NR6A1: variants seen among roughly 807,000 people sequenced by gnomAD.
NR6A1 encodes nuclear receptor subfamily 6 group A member 1, also known as retinoic acid receptor-related testis-associated receptor.
In NR6A1, 7 loss-of-function variants were observed where a neutral mutation model predicts 59.1. The ratio of observed to expected loss-of-function variants is 0.12; its 90% CI spans 0.07 to 0.22. The LOEUF is 0.22. Ranked by LOEUF, NR6A1 falls within the 10% of genes least tolerant of loss-of-function variation. The pLI is 1.00. For synonymous variants in NR6A1, 243 were observed against 236.1 expected (o/e 1.03, Z -0.27); for missense variants, 468 against 611.6 (o/e 0.77, Z 2.48).
chr9:124,712,565 G>A (rs758038113), intron 2 of NR6A1, among the ~76,000 whole-genome samples: 33 of 151,236 alleles, frequency 2.2e-4, no homozygotes, highest in Non-Finnish European at 4.0e-4. Flanking sequence ...CCAAGATCAC[G>A]CCACTGCACT....
intron 2 of NR6A1, among the ~76,000 whole-genome samples, chr9:124,726,774 G>C (rs950751527): frequency 6.6e-6 from 1 of 152,198 alleles, no homozygotes; most frequent in Non-Finnish European, 1.5e-5. Flanking sequence ...AAAAACCTTT[G>C]ATTCAGGATG....
intron 2 of NR6A1, among the ~76,000 whole-genome samples, chr9:124,701,167 G>C (rs1231861120): frequency 6.6e-6 from 1 of 152,168 alleles, no homozygotes; most frequent in African/African-American, 2.4e-5. Context: ...CTGCCAAACT[G>C]ATTTCCAACT....
chr9:124,614,156 T>G (rs550314240), intron 2 of NR6A1, among the ~76,000 whole-genome samples: 1 of 152,184 alleles, frequency 6.6e-6, no homozygotes, highest in South Asian at 2.1e-4. Flanking sequence ...GCAGGGCAGC[T>G]GGAGTTCACA....
chr9:124,743,937 A>C (rs1179167720), intron 1 of NR6A1, among the ~76,000 whole-genome samples: 1 of 152,210 alleles, frequency 6.6e-6, no homozygotes, highest in Non-Finnish European at 1.5e-5. Context: ...GAGGTTAAGA[A>C]ATTTCAAGGC....
chr9:124,538,372 T>G, intron 5 of NR6A1, 53 bp from the exon 6 acceptor site: 1 of 1,403,728 alleles, frequency 7.1e-7, no homozygotes, highest in Non-Finnish European at 1.0e-6. Flanking sequence ...TAGTAATTAC[T>G]CAAAGGAAGT....
chr9:124,616,311 G>A (rs1480290405), intron 2 of NR6A1, among the ~76,000 whole-genome samples: 1 of 150,468 alleles, frequency 6.6e-6, no homozygotes, highest in African/African-American at 2.4e-5. Flanking sequence ...GCTGAAGCAG[G>A]AGAATCGCTT....
chr9:124,691,407 C>T (rs913098594), intron 2 of NR6A1, among the ~76,000 whole-genome samples: 1 of 152,188 alleles, frequency 6.6e-6, no homozygotes, highest in Non-Finnish European at 1.5e-5. Context: ...ATAGTAATAA[C>T]TATCCCCATT....
At position 124,752,603 on chromosome 9, in the gene NR6A1, C is replaced by T. The variant is rs570093809; in HGVS notation, c.100+18417G>A. ...CTGGCAATATCTTTTCTCAAGCTCA[C>T]TTTTCCAACATTATCTAATGAGGAG... On this transcript the variant is annotated intron_variant, in intron 1 of 9. Transcript: ENST00000487099. 3.9e-4 allele frequency among the ~76,000 whole-genome samples: 60 copies of T among 152,226 alleles called. 1 individual carries two copies. The highest frequency in any genetic ancestry group is 1.4e-3 in the African/African-American group (59 of 41,530).
At chr9:124,603,141 A>G (rs1312788041) in intron 2 of NR6A1, among the ~76,000 whole-genome samples, 1 of 152,134 alleles carries the variant, frequency 6.6e-6, no homozygotes, top group African/African-American at 2.4e-5. Context: ...ATACTACGAC[A>G]TTACTCATCA....
At chr9:124,658,662 A>G (rs1475939690) in intron 2 of NR6A1, 1 of 151,148 alleles carries the variant, frequency 6.6e-6, no homozygotes, top group African/African-American at 2.4e-5. Flanking sequence ...TTCTCCCATC[A>G]CCCCCATCCC....
Position 124,517,819 on chromosome 9 carries a change from A to C in NR6A1, c.*4886T>G, listed in dbSNP as rs1832720647. 1 of 152,188 alleles carries C rather than the reference A, an allele frequency of 6.6e-6. No homozygotes were observed. Among genetic ancestry groups the C allele is most frequent in the Non-Finnish European group, 1.5e-5 (1 of 68,074 alleles). The allele number at this position is 152,188 out of a possible 1,614,324, so 9.4% of individuals were successfully genotyped here. On this transcript the variant is annotated 3_prime_UTR_variant, in exon 10 of 10. Coordinates refer to ENST00000487099, the MANE Select transcript of NR6A1 (RefSeq NM_033334.4). ...TATGGCAGACCTGGGATGGCAACACAGACAAAAACACCAACACCCCAGGGC... is the reference window on the plus strand; with the variant it reads ...TATGGCAGACCTGGGATGGCAACACCGACAAAAACACCAACACCCCAGGGC...
intron 1 of NR6A1, among the ~76,000 whole-genome samples, chr9:124,769,537 A>G (rs1841047360): frequency 6.6e-6 from 1 of 152,264 alleles, no homozygotes; most frequent in South Asian, 2.1e-4. Flanking sequence ...GTCCTGATTG[A>G]GAAACCTCTT....
chr9:124,767,283 T>A (rs1046223137), intron 1 of NR6A1, among the ~76,000 whole-genome samples: 1 of 152,218 alleles, frequency 6.6e-6, no homozygotes, highest in East Asian at 1.9e-4. Context: ...ACATGTGCCT[T>A]GCATACACCT....
chr9:124,690,433 AAGG>A (rs1380556875), intron 2 of NR6A1, among the ~76,000 whole-genome samples: 82 of 152,174 alleles, frequency 5.4e-4, no homozygotes, highest in African/African-American at 1.8e-3. Context: ...CTGGAAAAGA[AAGG>A]AGGTATGTGA....
intron 2 of NR6A1, among the ~76,000 whole-genome samples, chr9:124,559,390 G>A (rs1030104854): frequency 1.1e-4 from 17 of 152,084 alleles, no homozygotes; most frequent in African/African-American, 3.6e-4. Context: ...GAAGCTTCCC[G>A]CACTGCCCTG....
chr9:124,533,156 G>A (rs1331915924), intron 7 of NR6A1, among the ~76,000 whole-genome samples: 3 of 152,328 alleles, frequency 2.0e-5, no homozygotes, highest in South Asian at 2.1e-4. Flanking sequence ...GTCCCAGGCC[G>A]AACTGGTAGA....
chr9:124,643,762 A>C (rs1350676079), intron 2 of NR6A1, among the ~76,000 whole-genome samples: 1 of 146,058 alleles, frequency 6.8e-6, no homozygotes, highest in Non-Finnish European at 1.5e-5. Flanking sequence ...CAAAAAAACA[A>C]AAAAAAAAAA....
At chr9:124,721,812 T>C (rs747745977) in intron 2 of NR6A1, among the ~76,000 whole-genome samples, 9 of 152,140 alleles carry the variant, frequency 5.9e-5, no homozygotes, top group Non-Finnish European at 1.2e-4. Flanking sequence ...CCATCAGCAT[T>C]TGAGATCTGT....
Position 124,538,077 on chromosome 9 carries a change from G to GCGGA in NR6A1, c.824+11_824+14dup, listed in dbSNP as rs1833329772. The stretch of plus-strand genomic sequence containing the variant: ...TTGAGACTGCAAGGGGCCAAGAAGG[G>GCGGA]CGGAGCTCACTCACCCATCTTCAAT... On this transcript the variant is annotated intron_variant, in intron 6 of 9. Transcript: ENST00000487099. 3 of 1,591,012 alleles carry GCGGA rather than the reference G, an allele frequency of 1.9e-6. No homozygotes were observed. The highest frequency in any genetic ancestry group is 2.6e-6 in the Non-Finnish European group (3 of 1,167,438).
Sources: allele counts gnomAD v4.1 joint callset (sites outside exome capture counted in the v4.1 genomes callset), GRCh38; gene constraint gnomAD v4.1.1; transcripts MANE v1.5; gene names NCBI Gene and HGNC (gene_info 2026-07-23, HGNC 2026-07-21).